WASF3: variants seen among roughly 807,000 people sequenced by gnomAD.
The protein encoded by WASF3 is WASP family member 3.
In WASF3, 11 loss-of-function variants were observed where a neutral mutation model predicts 46.6. The ratio of observed to expected loss-of-function variants is 0.24; its 90% CI spans 0.15 to 0.39. WASF3 has a LOEUF of 0.39. Ranked by LOEUF, WASF3 falls within the 10% of genes least tolerant of loss-of-function variation. The probability of loss-of-function intolerance (pLI) is 1.00; values close to 1 mark genes in which losing one functional copy is unlikely to be tolerated. For synonymous variants in WASF3, 242 were observed against 259.7 expected, an observed-to-expected ratio of 0.93 and a Z score of 0.65; for missense variants, 576 against 669.8, an observed-to-expected ratio of 0.86 and a Z score of 1.55.
At chr13:26,624,456 A>G (rs770649516) in intron 2 of WASF3, among the ~76,000 whole-genome samples, 47 of 152,192 alleles carry the variant, frequency 3.1e-4, no homozygotes, top group Non-Finnish European at 1.0e-4. Context: ...GCATCTAAGA[A>G]CTATGGAACA....
At chr13:26,685,487 AC>A (rs1883374249) in intron 9 of WASF3, among the ~76,000 whole-genome samples, 200 bp from the exon 10 acceptor site, 1 of 152,270 alleles carries the variant, frequency 6.6e-6, no homozygotes, top group South Asian at 2.1e-4. Flanking sequence ...TTACTTTGTT[AC>A]AAAAAAACTT....
the WASF3 span, among the ~76,000 whole-genome samples, chr13:26,549,540 T>C: frequency 1.8e-4 from 27 of 152,150 alleles, 1 homozygote; most frequent in Admixed American, 4.6e-4. Context: ...CAGTCCTTTC[T>C]ACAAAGAATG....
intron 1 of WASF3, among the ~76,000 whole-genome samples, chr13:26,591,560 G>C (rs1880295473): frequency 6.6e-6 from 1 of 152,128 alleles, no homozygotes; most frequent in Non-Finnish European, 1.5e-5. Flanking sequence ...CATGAACTGA[G>C]AGGGGGAGAC....
At chr13:26,672,178 A>G (rs1329138561) in intron 6 of WASF3, among the ~76,000 whole-genome samples, 189 bp downstream of exon 6, 1 of 152,222 alleles carries the variant, frequency 6.6e-6, no homozygotes, top group Non-Finnish European at 1.5e-5. Context: ...AAATACTGAT[A>G]TGTTCTCCAG....
upstream of WASF3, among the ~76,000 whole-genome samples, chr13:26,554,087 C>T (rs1391969935): frequency 5.7e-4 from 59 of 102,732 alleles, no homozygotes; most frequent in Non-Finnish European, 8.0e-4. Context: ...TTCCTTCCTT[C>T]CTTCCTTCCT....
At position 26,671,856 on chromosome 13, in the gene WASF3, A is replaced by G; in HGVS notation, c.423-16A>G. 6.6e-7 allele frequency: 1 copy of G among 1,524,300 alleles called. No individual in the cohort carries two copies. The highest frequency in any genetic ancestry group is 8.9e-7 in the Non-Finnish European group (1 of 1,124,574). 94.4% of individuals were successfully genotyped at this position (1,524,300 alleles called of 1,614,324 possible). On this transcript the variant is annotated splice_polypyrimidine_tract_variant and intron_variant, in intron 5 of 9. Coordinates refer to ENST00000335327, the MANE Select transcript of WASF3 (RefSeq NM_006646.6). ...ACAATCTTTTCTTCCCTGACTTACA[A>G]TACATTGATTTGTAGAGATGACAAG...
At chr13:26,584,321 G>C (rs1175680527) in intron 1 of WASF3, among the ~76,000 whole-genome samples, 4 of 152,212 alleles carry the variant, frequency 2.6e-5, no homozygotes, top group African/African-American at 7.2e-5. Flanking sequence ...GTGAAAGAGT[G>C]TCTTTTTAAT....
At chr13:26,619,974 T>A (rs1881254290) in intron 2 of WASF3, among the ~76,000 whole-genome samples, 1 of 152,302 alleles carries the variant, frequency 6.6e-6, no homozygotes, top group East Asian at 1.9e-4. Flanking sequence ...ACTGGCATAT[T>A]TATAATTGGG....
intron 1 of WASF3, among the ~76,000 whole-genome samples, chr13:26,603,047 G>A (rs1438863562): frequency 1.3e-5 from 2 of 152,188 alleles, no homozygotes; most frequent in African/African-American, 4.8e-5. Context: ...TGAAGAGGAA[G>A]GCGATAAGGG....
In WASF3 at chr13:26,584,421, A is replaced by G. The variant is rs575314613; in HGVS notation, c.-109+26602A>G. On this transcript the variant is annotated intron_variant, in intron 1 of 9. Coordinates refer to ENST00000335327, the MANE Select transcript of WASF3 (RefSeq NM_006646.6). ...TTTCCAGTGCTATGCAGTGAACACA[A>G]TTTTTGTGGAAACTAGTTCTAGGAT... is the stretch of plus-strand genomic sequence containing the variant. Among the ~76,000 whole-genome samples, 3 of 152,320 alleles carry G rather than the reference A, an allele frequency of 2.0e-5. No individual in the cohort carries two copies. The East Asian group carries it at 5.8e-4, about 29-fold the overall frequency.
chr13:26,557,145 A>C (rs1879115865), upstream of WASF3, among the ~76,000 whole-genome samples: 1 of 152,154 alleles, frequency 6.6e-6, no homozygotes, highest in Non-Finnish European at 1.5e-5. Context: ...GGGTGATAAA[A>C]ACAGAAGAAT....
Position 26,678,924 on chromosome 13 carries a change from C to T in WASF3, c.717-2130C>T, listed in dbSNP as rs187870244. On this transcript the variant is annotated intron_variant, in intron 7 of 9. Coordinates refer to ENST00000335327, the MANE Select transcript of WASF3 (RefSeq NM_006646.6). Reference sequence around the variant, plus strand: ...CTCTGCTGCTGTGCCTACTTCCTCCCGTGTGGTGTCGCCTCTGGCCCTCCC... The same window carrying T: ...CTCTGCTGCTGTGCCTACTTCCTCCTGTGTGGTGTCGCCTCTGGCCCTCCC... 5.1e-4 allele frequency among the ~76,000 whole-genome samples: 78 copies of T among 152,302 alleles called. 1 individual carries two copies. The highest frequency in any genetic ancestry group is 9.4e-4 in the Non-Finnish European group (64 of 68,012).
intron 1 of WASF3, among the ~76,000 whole-genome samples, chr13:26,606,321 C>CGT (rs60865367): frequency 0.057 from 7,571 of 131,920 alleles, 259 homozygotes; most frequent in African/African-American, 0.078. Context: ...TCTTTTTTTT[C>CGT]GTGTGTGTGT....
At chr13:26,600,588 A>C (rs1325798989) in intron 1 of WASF3, among the ~76,000 whole-genome samples, 1 of 152,198 alleles carries the variant, frequency 6.6e-6, no homozygotes, top group African/African-American at 2.4e-5. Context: ...GAATTCAGAT[A>C]CAAATCCTGA....
chr13:26,547,394 A>G, the WASF3 span, among the ~76,000 whole-genome samples: 1 of 2,178 alleles, frequency 4.6e-4, no homozygotes, highest in African/African-American at 6.2e-4. Context: ...TACCCCATCA[A>G]CACACACACA....
intron 1 of WASF3, among the ~76,000 whole-genome samples, chr13:26,567,957 A>T (rs1879521339): frequency 6.6e-6 from 1 of 152,056 alleles, no homozygotes; most frequent in Admixed American, 6.6e-5. Flanking sequence ...GAAGGAGTGA[A>T]CCAGCTAGGC....
intron 3 of WASF3, among the ~76,000 whole-genome samples, chr13:26,663,327 G>A (rs1048301716): frequency 6.6e-6 from 1 of 152,210 alleles, no homozygotes; most frequent in African/African-American, 2.4e-5. Context: ...AGCTCAGGAA[G>A]GTGTTCATAA....
intron 1 of WASF3, among the ~76,000 whole-genome samples, chr13:26,570,944 TAGCC>T (rs1879615072): frequency 2.6e-5 from 4 of 152,238 alleles, no homozygotes; most frequent in Non-Finnish European, 4.4e-5. Flanking sequence ...CGTTTCTTTA[TAGCC>T]TGCTAGTTAG....
At chr13:26,587,273 G>GT (rs568894421) in intron 1 of WASF3, among the ~76,000 whole-genome samples, 11,575 of 138,324 alleles carry the variant, frequency 0.084, 570 homozygotes, top group Admixed American at 0.17. Flanking sequence ...CCTAAACTCT[G>GT]TTTTTTTTTT....
Sources: gnomAD v4.1 joint callset for allele counts (sites outside exome capture counted in the v4.1 genomes callset) on GRCh38, gnomAD v4.1.1 for gene constraint, MANE v1.5 for transcripts, NCBI Gene and HGNC (gene_info 2026-07-23, HGNC 2026-07-21) for gene names.